CDKL1: variants seen among roughly 807,000 people sequenced by gnomAD.
The protein encoded by CDKL1 is cyclin-dependent kinase-like 1.
CDKL1 carries 41 observed loss-of-function variants against 42.0 expected under a neutral mutation model. The observed-to-expected ratio is 0.98, with a 90% confidence interval of 0.76 to 1.27. The LOEUF (loss-of-function observed/expected upper bound fraction) is 1.27. CDKL1 is among the 50% of genes most tolerant of loss of function. The pLI, the probability that CDKL1 is intolerant of heterozygous loss-of-function variation, is 0.00. For synonymous variants in CDKL1, 153 were observed against 158.6 expected (o/e 0.96, Z 0.26); for missense variants, 394 against 428.4 (o/e 0.92, Z 0.71).
intron 3 of CDKL1, 41 bp downstream of exon 3, chr14:50,358,987 C>T (rs1566590547): frequency 6.3e-7 from 1 of 1,582,912 alleles, no homozygotes; most frequent in Non-Finnish European, 8.6e-7. Flanking sequence ...TCACAAATCC[C>T]AGTGTGTCTT....
chr14:50,368,866 C>A (rs1022491983), intron 2 of CDKL1, among the ~76,000 whole-genome samples: 8 of 131,046 alleles, frequency 6.1e-5, no homozygotes, highest in Admixed American at 2.4e-4. Context: ...AGTTGCCAAC[C>A]TTTTTTTTTT....
chr14:50,366,851 T>C (rs547952930), intron 2 of CDKL1, among the ~76,000 whole-genome samples: 2 of 152,294 alleles, frequency 1.3e-5, no homozygotes, highest in East Asian at 3.9e-4. Flanking sequence ...CAGATGGTGA[T>C]GCCATCACAG....
rs2032777935 is a variant in CDKL1 at position 50,328,063 on chromosome 14, AG to A, written c.*2010del. The A allele has an allele frequency of 6.6e-6, 1 of 152,088 alleles. No homozygotes were observed. The highest frequency in any genetic ancestry group is 1.5e-5 in the Non-Finnish European group (1 of 68,022). 9.4% of individuals were successfully genotyped at this position (152,088 alleles called of 1,614,324 possible). Reference sequence around the variant, plus strand: ...TAGAAAAAAATAAGCCTTTTTTCTCAGGTTTGTTTCATTACTGTATGGTGAG... The same window carrying A: ...TAGAAAAAAATAAGCCTTTTTTCTCAGTTTGTTTCATTACTGTATGGTGAG... On this transcript the variant is annotated 3_prime_UTR_variant, in exon 10 of 10. Transcript: ENST00000395834.
intron 5 of CDKL1, 73 bp from the exon 6 acceptor site, chr14:50,341,305 A>G: frequency 6.7e-7 from 1 of 1,498,726 alleles, no homozygotes; most frequent in Non-Finnish European, 8.9e-7. Flanking sequence ...GAGATCTCAG[A>G]AGTCAAGCCT....
chr14:50,370,271 G>T (rs1482904936), intron 2 of CDKL1, among the ~76,000 whole-genome samples: 1 of 152,074 alleles, frequency 6.6e-6, no homozygotes, highest in Non-Finnish European at 1.5e-5. Context: ...ATTTCACTAT[G>T]TTGGCCAGGT....
Position 50,330,100 on chromosome 14 carries a change from G to A in CDKL1, c.1048C>T (p.Leu350Phe), listed in dbSNP as rs1314220162. The A allele has an allele frequency of 6.2e-7, 1 of 1,609,260 alleles. No homozygotes were observed. The change falls in exon 10 of 10, where the codon CTT becomes TTT. Residue 350 changes from leucine to phenylalanine, a missense_variant. Physicochemically the swap from Leu to Phe is conservative, Grantham distance 22. Coordinates refer to ENST00000395834, the MANE Select transcript of CDKL1 (RefSeq NM_004196.7). ...NKKYYCDTKK[L>F]NYRFPNI is the part of the protein sequence containing the mutation. Reference sequence around the variant, plus strand: ...TAAATGTTTGGAAAACGGTAGTTAAGTTTCTTGGTATCACAGTAGTACTTC... The same window carrying A: ...TAAATGTTTGGAAAACGGTAGTTAAATTTCTTGGTATCACAGTAGTACTTC...
At chr14:50,368,434 T>G (rs1042457569) in intron 2 of CDKL1, among the ~76,000 whole-genome samples, 1 of 152,004 alleles carries the variant, frequency 6.6e-6, no homozygotes, top group Non-Finnish European at 1.5e-5. Context: ...TTTTTTATTT[T>G]TAAAATTTTT....
chr14:50,390,028 C>T (rs559135490), intron 2 of CDKL1: 22 of 602,130 alleles, frequency 3.7e-5, no homozygotes, highest in East Asian at 2.1e-4. Flanking sequence ...ATTAGTGTAA[C>T]GATATCTACC....
intron 2 of CDKL1, among the ~76,000 whole-genome samples, chr14:50,391,646 G>T (rs2035260661): frequency 6.6e-6 from 1 of 151,936 alleles, no homozygotes; most frequent in Non-Finnish European, 1.5e-5. Context: ...GCCTCCCAAA[G>T]TGCTGGGATT....
intron 3 of CDKL1, among the ~76,000 whole-genome samples, chr14:50,356,068 C>T (rs905206627): frequency 6.6e-6 from 1 of 152,154 alleles, no homozygotes; most frequent in African/African-American, 2.4e-5. Flanking sequence ...GAAGTGATCA[C>T]AGGACATTCT....
chr14:50,369,445 A>T (rs893048905), intron 2 of CDKL1, among the ~76,000 whole-genome samples: 4 of 152,066 alleles, frequency 2.6e-5, no homozygotes, highest in Admixed American at 6.6e-5. Context: ...AATATTTAAT[A>T]TGTCCATGTT....
intron 4 of CDKL1, chr14:50,342,888 G>A (rs759855071): frequency 7.7e-7 from 1 of 1,297,924 alleles, no homozygotes; most frequent in East Asian, 5.4e-5. Context: ...ATAAACAAGA[G>A]TAGGCAGCAG....
chr14:50,382,280 G>C (rs897724148), intron 2 of CDKL1, among the ~76,000 whole-genome samples: 1 of 151,978 alleles, frequency 6.6e-6, no homozygotes, highest in African/African-American at 2.4e-5. Flanking sequence ...GTGGAACCCC[G>C]TCTCTACTAA....
Position 50,330,118 on chromosome 14 carries a change from A to G in CDKL1, c.1030T>C (p.Tyr344His), listed in dbSNP as rs1187303952. The G allele has an allele frequency of 6.2e-7, 1 of 1,610,262 alleles. No homozygotes were observed. The highest frequency in any genetic ancestry group is 8.5e-7 in the Non-Finnish European group (1 of 1,179,262). The stretch of plus-strand genomic sequence containing the variant: ...TAGTTAAGTTTCTTGGTATCACAGT[A>G]GTACTTCTTATTATCCAAAGCTGGA... The part of the protein sequence containing the change: ...ILPALDNKKY[Y>H]CDTKKLNYRF... Residue 344 changes from tyrosine (Y) to histidine (H), a missense_variant, in exon 10 of 10, where the codon TAC (tyrosine) becomes CAC (histidine). Physicochemically the swap from Tyr to His is moderately conservative, Grantham distance 83. Transcript: ENST00000395834.
intron 2 of CDKL1, among the ~76,000 whole-genome samples, chr14:50,368,935 C>T (rs1226491617): frequency 1.3e-5 from 2 of 148,776 alleles, no homozygotes; most frequent in South Asian, 2.1e-4. Context: ...GGCACAATCT[C>T]GGCTCACCAC....
intron 2 of CDKL1, among the ~76,000 whole-genome samples, chr14:50,370,372 C>T (rs1242709028): frequency 6.6e-6 from 1 of 152,204 alleles, no homozygotes; most frequent in African/African-American, 2.4e-5. Flanking sequence ...CTCAGCCTCT[C>T]TCAGCAATTT....
chr14:50,330,262 T>G (rs1002023504), intron 9 of CDKL1, 81 bp from the exon 10 acceptor site: 2 of 1,504,698 alleles, frequency 1.3e-6, no homozygotes, highest in Non-Finnish European at 1.8e-6. Flanking sequence ...ACAAAAGAGG[T>G]AATTAAGCTT....
In CDKL1 at chr14:50,332,834, C is replaced by A. The variant is rs1230275307; in HGVS notation, c.796-402G>T. On this transcript the variant is annotated intron_variant, in intron 8 of 9. Transcript: ENST00000395834. Reference sequence around the variant, plus strand: ...TGATATTTACACATGATAACAAATACAGTTAATACAGCATACAGCAAAGTC... The same window carrying A: ...TGATATTTACACATGATAACAAATAAAGTTAATACAGCATACAGCAAAGTC... 3 of 571,008 alleles carry A rather than the reference C, an allele frequency of 5.3e-6. No homozygotes were observed. In the East Asian group the frequency reaches 9.2e-5, roughly 18 times the overall value. The allele number at this position is 571,008 out of a possible 1,614,324, so 35.4% of individuals were successfully genotyped here. A position where few individuals can be genotyped will look rare whatever the true frequency, so the allele number is the denominator to read the frequency against.
chr14:50,329,713 T>C lies in CDKL1; in HGVS notation c.*361A>G, dbSNP rs1406313705. ...TCCGAGGAAATATATATGGGCATTT[T>C]GTGGTTCATTTTTCTTGTGTGGCAT... is the stretch of plus-strand genomic sequence containing the variant. On this transcript the variant is annotated 3_prime_UTR_variant, in exon 10 of 10. Coordinates refer to ENST00000395834, the MANE Select transcript of CDKL1 (RefSeq NM_004196.7). The C allele has an allele frequency of 5.5e-6, 1 of 183,164 alleles. No homozygotes were observed. Among genetic ancestry groups the C allele is most frequent in the East Asian group, 1.8e-4 (1 of 5,706 alleles). 11.3% of individuals were successfully genotyped at this position (183,164 alleles called of 1,614,324 possible). A position where few individuals can be genotyped will look rare whatever the true frequency, so the allele number is the denominator to read the frequency against.
Sources: gnomAD v4.1 joint callset for allele counts (sites outside exome capture counted in the v4.1 genomes callset) on GRCh38, gnomAD v4.1.1 for gene constraint, MANE v1.5 for transcripts, NCBI Gene and HGNC (gene_info 2026-07-23, HGNC 2026-07-21) for gene names.